Variants in NRG3 observed in about 807,000 individuals in gnomAD.
NRG3 encodes neuregulin 3.
A neutral mutation model predicts 66.9 loss-of-function variants in NRG3; 31 were observed. The observed-to-expected ratio is 0.46, with a 90% confidence interval of 0.35 to 0.63. The LOEUF is 0.63. Ranked by LOEUF, NRG3 falls within the 20% of genes least tolerant of loss-of-function variation. NRG3 has a pLI of 0.00. For synonymous variants in NRG3, 393 were observed against 359.4 expected (o/e 1.09, Z -1.06); for missense variants, 910 against 878.9 (o/e 1.04, Z -0.45).
chr10:82,661,664 A>G (rs1479230529), intron 2 of NRG3, among the ~76,000 whole-genome samples: 1 of 152,140 alleles, frequency 6.6e-6, no homozygotes, highest in Admixed American at 6.5e-5. Context: ...CAGGTGATCA[A>G]TGATGATAAG....
In NRG3 at chr10:82,136,553, T is replaced by C. The variant is rs960480173; in HGVS notation, c.824-222186T>C. 5.9e-5 allele frequency among the ~76,000 whole-genome samples: 9 copies of C among 152,136 alleles called. No individual in the cohort carries two copies. The East Asian group carries it at 1.7e-3, about 29-fold the overall frequency. ...CTGGTAGCAAAGCCACAATACAATG[T>C]TTTTTCTACTCCTCTCTTTCCTCAA... On this transcript the variant is annotated intron_variant, in intron 1 of 8. Transcript: ENST00000372141.
chr10:82,192,507 C>T (rs189206181), intron 1 of NRG3, among the ~76,000 whole-genome samples: 11 of 152,206 alleles, frequency 7.2e-5, no homozygotes, highest in African/African-American at 2.6e-4. Context: ...CTAAAACCCA[C>T]CTAACAGCCC....
intron 1 of NRG3, among the ~76,000 whole-genome samples, chr10:82,241,526 C>T (rs1400762059): frequency 6.6e-6 from 1 of 151,990 alleles, no homozygotes; most frequent in African/African-American, 2.4e-5. Context: ...AGGAAGACAC[C>T]TTGTTTGTTT....
At chr10:82,197,934 G>A (rs184069157) in intron 1 of NRG3, among the ~76,000 whole-genome samples, 227 of 151,978 alleles carry the variant, frequency 1.5e-3, no homozygotes, top group African/African-American at 5.0e-3. Flanking sequence ...AATGGCTGTC[G>A]ACATCTTATA....
At chr10:82,069,434 A>G (rs900866037) in intron 1 of NRG3, among the ~76,000 whole-genome samples, 5 of 152,190 alleles carry the variant, frequency 3.3e-5, no homozygotes, top group African/African-American at 4.8e-5. Flanking sequence ...CCGGGCACAC[A>G]TGAGCGTATT....
chr10:82,796,129 C>G (rs2060790864), intron 3 of NRG3, among the ~76,000 whole-genome samples: 1 of 152,122 alleles, frequency 6.6e-6, no homozygotes, highest in Admixed American at 6.6e-5. Flanking sequence ...ATGAGCTTCT[C>G]AAACTGTGTT....
chr10:82,579,926 A>C (rs1482467954), intron 2 of NRG3, among the ~76,000 whole-genome samples: 1 of 151,988 alleles, frequency 6.6e-6, no homozygotes. Flanking sequence ...ATATCAATAC[A>C]GTCACTCCTT....
chr10:82,202,132 G>A (rs1259270520), intron 1 of NRG3, among the ~76,000 whole-genome samples: 3 of 152,144 alleles, frequency 2.0e-5, no homozygotes, highest in Non-Finnish European at 4.4e-5. Flanking sequence ...GTTCACACAG[G>A]TATAGATTTA....
At chr10:82,282,371 T>C (rs2079172535) in intron 1 of NRG3, among the ~76,000 whole-genome samples, 1 of 151,932 alleles carries the variant, frequency 6.6e-6, no homozygotes, top group Non-Finnish European at 1.5e-5. Context: ...CCAGTGAGAG[T>C]TGTGGATCTG....
intron 1 of NRG3, chr10:82,232,996 G>A: frequency 1.7e-6 from 1 of 588,120 alleles, no homozygotes; most frequent in Non-Finnish European, 3.1e-6. Flanking sequence ...TGTTTCCAGG[G>A]TATGTGGGCA....
chr10:82,818,655 A>G (rs528452054), intron 3 of NRG3, among the ~76,000 whole-genome samples: 2 of 152,154 alleles, frequency 1.3e-5, no homozygotes, highest in South Asian at 4.1e-4. Flanking sequence ...AAATCTCTAA[A>G]TTAAAATTCT....
chr10:81,891,760 C>T (rs902118167), intron 1 of NRG3, among the ~76,000 whole-genome samples: 1 of 152,154 alleles, frequency 6.6e-6, no homozygotes, highest in African/African-American at 2.4e-5. Flanking sequence ...AGCTCTGCTC[C>T]TCAATTGTTT....
intron 2 of NRG3, among the ~76,000 whole-genome samples, chr10:82,613,380 A>C (rs1313100102): frequency 6.6e-6 from 1 of 151,850 alleles, no homozygotes; most frequent in Non-Finnish European, 1.5e-5. Context: ...AATCATTAAA[A>C]AATTGTGGAA....
At chr10:82,693,464 T>C (rs981318208) in intron 2 of NRG3, among the ~76,000 whole-genome samples, 7 of 152,220 alleles carry the variant, frequency 4.6e-5, no homozygotes, top group African/African-American at 1.7e-4. Context: ...GCACTGGAGC[T>C]AGCCTGCCCT....
intron 2 of NRG3, among the ~76,000 whole-genome samples, chr10:82,493,256 A>AT (rs1843315143): frequency 6.6e-6 from 1 of 151,784 alleles, no homozygotes; most frequent in Non-Finnish European, 1.5e-5. Context: ...TACACTAGCT[A>AT]TTTTTCCTAA....
At chr10:82,277,308 G>C (rs1302579814) in intron 1 of NRG3, among the ~76,000 whole-genome samples, 3 of 152,138 alleles carry the variant, frequency 2.0e-5, no homozygotes, top group East Asian at 3.9e-4. Context: ...AGAGCTTGCT[G>C]ATATGATTGT....
intron 1 of NRG3, among the ~76,000 whole-genome samples, chr10:82,112,967 C>A (rs904185769): frequency 6.6e-6 from 1 of 152,066 alleles, no homozygotes; most frequent in East Asian, 1.9e-4. Flanking sequence ...CTCATCTTCT[C>A]CCCCACACTG....
chr10:82,969,983 C>T (rs1283915371), intron 6 of NRG3, among the ~76,000 whole-genome samples: 1 of 152,034 alleles, frequency 6.6e-6, no homozygotes, highest in Admixed American at 6.6e-5. Context: ...TATGCATACG[C>T]TTTTGCGCCT....
chr10:82,678,498 T>G (rs1421322296), intron 2 of NRG3, among the ~76,000 whole-genome samples: 1 of 152,184 alleles, frequency 6.6e-6, no homozygotes, highest in African/African-American at 2.4e-5. Flanking sequence ...TCACTTCTTT[T>G]GTCATTCTTC....
Sources: gnomAD v4.1 joint callset for allele counts (sites outside exome capture counted in the v4.1 genomes callset) on GRCh38, gnomAD v4.1.1 for gene constraint, MANE v1.5 for transcripts, NCBI Gene and HGNC (gene_info 2026-07-23, HGNC 2026-07-21) for gene names.